FIBCD1: variants seen among roughly 807,000 people sequenced by gnomAD.
FIBCD1 encodes the protein fibrinogen C domain containing 1, also known as fibrinogen C domain-containing protein 1.
FIBCD1 carries 47 observed loss-of-function variants against 45.1 expected under a neutral mutation model. The observed-to-expected ratio is 1.04, with a 90% confidence interval of 0.82 to 1.33. The LOEUF is 1.33. FIBCD1 is among the 40% of genes most tolerant of loss of function. The pLI, the probability that FIBCD1 is intolerant of heterozygous loss-of-function variation, is 0.00. For synonymous variants in FIBCD1, 313 were observed against 308.1 expected (o/e 1.02, Z -0.17); for missense variants, 653 against 682.2 (o/e 0.96, Z 0.48).
chr9:130,915,436 C>T (rs539597383), intron 4 of FIBCD1, among the ~76,000 whole-genome samples: 3 of 152,210 alleles, frequency 2.0e-5, no homozygotes, highest in Non-Finnish European at 4.4e-5. Context: ...GGAGCGGTGG[C>T]TCACGCCTGT....
chr9:130,906,731 CA>C (rs900243521), intron 5 of FIBCD1, among the ~76,000 whole-genome samples: 2 of 152,220 alleles, frequency 1.3e-5, no homozygotes, highest in African/African-American at 4.8e-5. Flanking sequence ...GTAATCATGA[CA>C]ACAGCCGCCA....
intron 4 of FIBCD1, among the ~76,000 whole-genome samples, chr9:130,917,065 T>C (rs1271042113): frequency 6.6e-6 from 1 of 152,170 alleles, no homozygotes; most frequent in Non-Finnish European, 1.5e-5. Flanking sequence ...ACCACTGCAC[T>C]CCAGCCTGGG....
intron 4 of FIBCD1, among the ~76,000 whole-genome samples, chr9:130,923,006 C>G (rs542411089): frequency 1.6e-3 from 249 of 152,308 alleles, no homozygotes; most frequent in Non-Finnish European, 2.6e-3. Context: ...GTGTAAATTC[C>G]TCGGGAGGAC....
intron 1 of FIBCD1, among the ~76,000 whole-genome samples, chr9:130,931,815 C>T (rs1240893734): frequency 2.0e-5 from 3 of 152,270 alleles, no homozygotes; most frequent in African/African-American, 4.8e-5. Flanking sequence ...GGCCAGGCCC[C>T]TCCTATGATT....
At chr9:130,929,418 G>T in intron 2 of FIBCD1, 149 bp downstream of exon 2, 1 of 1,048,656 alleles carries the variant, frequency 9.5e-7, no homozygotes, top group Non-Finnish European at 1.3e-6. Context: ...AGCTTCATGG[G>T]CTTGTCTGTA....
chr9:130,911,974 C>T (rs1302137970), intron 4 of FIBCD1, 86 bp from the exon 5 acceptor site: 5 of 1,254,224 alleles, frequency 4.0e-6, no homozygotes, highest in Non-Finnish European at 5.7e-6. Context: ...CCAGAGACTC[C>T]CCTCACCCTG....
chr9:130,912,962 G>A (rs1355937751), intron 4 of FIBCD1, among the ~76,000 whole-genome samples: 1 of 152,164 alleles, frequency 6.6e-6, no homozygotes, highest in Non-Finnish European at 1.5e-5. Context: ...CAAGCCTGGG[G>A]CAGGGGTCGG....
intron 2 of FIBCD1, among the ~76,000 whole-genome samples, chr9:130,925,439 C>T (rs896371028): frequency 6.6e-6 from 1 of 152,110 alleles, no homozygotes; most frequent in Non-Finnish European, 1.5e-5. Context: ...TGTTGACTGT[C>T]TGTGTTTTGA....
chr9:130,923,815 C>G lies in FIBCD1; in HGVS notation c.778G>C (p.Val260Leu), dbSNP rs756744749. The G allele has an allele frequency of 6.4e-5, 104 of 1,612,830 alleles. No homozygotes were observed. The highest frequency in any genetic ancestry group is 8.5e-5 in the Non-Finnish European group (100 of 1,180,008). The change falls in exon 4 of 7, where the codon GTC becomes CTC. Residue 260 changes from valine (V) to leucine (L), a missense_variant. By Grantham distance (32) the Val-to-Leu change is conservative. Transcript: ENST00000372338. ...CCGGCCGGGTAGTGGGTGGGAAAGA[C>G]AGAGTAGACGCCATCGTCCTGCTGT... ...SGQQDDGVYS[V>L]FPTHYPAGFQ...
At chr9:130,928,648 G>A (rs1832395365) in intron 2 of FIBCD1, among the ~76,000 whole-genome samples, 1 of 152,232 alleles carries the variant, frequency 6.6e-6, no homozygotes, top group African/African-American at 2.4e-5. Flanking sequence ...CTCAGTGGCT[G>A]CTGGGGGCGG....
intron 5 of FIBCD1, among the ~76,000 whole-genome samples, chr9:130,909,614 C>T (rs11244189): frequency 0.21 from 32,086 of 152,098 alleles, 3,911 homozygotes; most frequent in East Asian, 0.52. Flanking sequence ...AAATCCACCT[C>T]ATTTCAAGCC....
chr9:130,909,906 T>C (rs1418141618), intron 5 of FIBCD1, among the ~76,000 whole-genome samples: 1 of 152,246 alleles, frequency 6.6e-6, no homozygotes, highest in Non-Finnish European at 1.5e-5. Context: ...AGGCGTGCGG[T>C]TGCCTCCAGG....
chr9:130,904,030 G>A lies in FIBCD1; in HGVS notation c.*34C>T. Reference sequence around the variant, plus strand: ...AGGTGGGGTCGGGGATGGGGCGACAGGGACCAGCAGGGCCAAGGACAAGGT... The same window carrying A: ...AGGTGGGGTCGGGGATGGGGCGACAAGGACCAGCAGGGCCAAGGACAAGGT... On this transcript the variant is annotated 3_prime_UTR_variant, in exon 7 of 7. Coordinates refer to ENST00000372338, the MANE Select transcript of FIBCD1 (RefSeq NM_032843.5). The A allele has an allele frequency of 6.2e-7, 1 of 1,607,184 alleles. No individual in the cohort carries two copies. Among genetic ancestry groups the A allele is most frequent in the South Asian group, 1.1e-5 (1 of 89,776 alleles).
chr9:130,917,057 C>T (rs933840345), intron 4 of FIBCD1, among the ~76,000 whole-genome samples: 1 of 152,214 alleles, frequency 6.6e-6, no homozygotes, highest in Non-Finnish European at 1.5e-5. Flanking sequence ...AAGATCACAC[C>T]ACTGCACTCC....
At chr9:130,934,123 G>GGGGACTGGGCCCTGCCTC (rs1318624041) in intron 1 of FIBCD1, among the ~76,000 whole-genome samples, 1 of 152,200 alleles carries the variant, frequency 6.6e-6, no homozygotes, top group Non-Finnish European at 1.5e-5. Context: ...TGTGGGTTGA[G>GGGGACTGGGCCCTGCCTC]GGGACTGGGC....
intron 1 of FIBCD1, among the ~76,000 whole-genome samples, chr9:130,934,197 G>T (rs1353009951): frequency 1.3e-4 from 20 of 152,160 alleles, no homozygotes; most frequent in Admixed American, 1.3e-3. Flanking sequence ...CTCTGCTCCC[G>T]GCTGGCACAT....
chr9:130,938,700 C>T lies in FIBCD1; in HGVS notation c.-93G>A. ...GGCGCGGGCGCGGGCGCGGGGCGCG[C>T]TCTGTCCGCCGGGTCCCCGCCTCTG... On this transcript the variant is annotated 5_prime_UTR_variant, in exon 1 of 7. Transcript: ENST00000372338. The T allele has an allele frequency of 3.7e-6, 3 of 804,070 alleles. No individual in the cohort carries two copies. Among genetic ancestry groups the T allele is most frequent in the South Asian group, 5.4e-5 (1 of 18,478 alleles). The allele number at this position is 804,070 out of a possible 1,614,324, so 49.8% of individuals were successfully genotyped here. A position where few individuals can be genotyped will look rare whatever the true frequency, so the allele number is the denominator to read the frequency against.
chr9:130,938,465 T>G (rs1832555759), intron 1 of FIBCD1, 71 bp downstream of exon 1: 1 of 1,329,636 alleles, frequency 7.5e-7, no homozygotes, highest in Non-Finnish European at 9.8e-7. Context: ...CAATGGGTGC[T>G]CGCCCCGCCG....
At chr9:130,923,927 C>A (rs991668780) in intron 3 of FIBCD1, 47 bp from the exon 4 acceptor site, 3 of 1,609,580 alleles carry the variant, frequency 1.9e-6, no homozygotes, top group Admixed American at 1.7e-5. Flanking sequence ...CAGCACGTTC[C>A]TGCCCAGCCC....
Sources: allele counts gnomAD v4.1 joint callset (sites outside exome capture counted in the v4.1 genomes callset), GRCh38; gene constraint gnomAD v4.1.1; transcripts MANE v1.5; gene names NCBI Gene and HGNC (gene_info 2026-07-23, HGNC 2026-07-21).